The following GABRG3 variants were observed in gnomAD, a reference collection of about 807,000 sequenced individuals.
GABRG3 encodes gamma-aminobutyric acid type A receptor subunit gamma3.
GABRG3 carries 25 observed loss-of-function variants against 48.8 expected under a neutral mutation model. The ratio of observed to expected loss-of-function variants is 0.51; its 90% CI spans 0.37 to 0.72. The LOEUF (loss-of-function observed/expected upper bound fraction) is 0.72, where lower values mean the gene tolerates loss of function less well. GABRG3 is among the 30% of genes least tolerant of loss of function. The pLI is 0.00. For missense variants in GABRG3, 394 were observed against 577.9 expected, an observed-to-expected ratio of 0.68 and a Z score of 3.26; for synonymous variants, 227 against 217.6, an observed-to-expected ratio of 1.04 and a Z score of -0.38.
chr15:27,004,632 C>G (rs139821857), intron 2 of GABRG3, among the ~76,000 whole-genome samples: 10,683 of 152,228 alleles, frequency 0.07, 710 homozygotes, highest in East Asian at 0.36. Flanking sequence ...GCCGAGATCA[C>G]GCCACTGCAC....
chr15:27,521,731 T>G (rs3097506), intron 7 of GABRG3, among the ~76,000 whole-genome samples: 79,481 of 151,768 alleles, frequency 0.52, 21,094 homozygotes, highest in East Asian at 0.67. Flanking sequence ...ATTCACTAAC[T>G]AGACTTAAGA....
At chr15:27,448,724 AC>A (rs1168396114) in intron 5 of GABRG3, among the ~76,000 whole-genome samples, 1 of 152,232 alleles carries the variant, frequency 6.6e-6, no homozygotes, top group African/African-American at 2.4e-5. Flanking sequence ...ACAAAACTAC[AC>A]AAAAAGCAGA....
chr15:27,074,204 AG>A (rs2140737473), intron 3 of GABRG3, among the ~76,000 whole-genome samples: 1 of 152,072 alleles, frequency 6.6e-6, no homozygotes, highest in South Asian at 2.1e-4. Flanking sequence ...CCCACAACAC[AG>A]GGGAATTATG....
intron 2 of GABRG3, among the ~76,000 whole-genome samples, chr15:27,003,609 G>C (rs1267434194): frequency 2.2e-4 from 34 of 151,556 alleles, no homozygotes; most frequent in African/African-American, 4.9e-4. Context: ...TGAAAAGTCT[G>C]CCATGTATAC....
intron 3 of GABRG3, among the ~76,000 whole-genome samples, chr15:27,120,954 T>C (rs1464144055): frequency 6.6e-6 from 1 of 152,170 alleles, no homozygotes; most frequent in Non-Finnish European, 1.5e-5. Context: ...ATGCCAAACT[T>C]AGTTGACCTT....
At chr15:27,050,221 A>G (rs1010198124) in intron 3 of GABRG3, among the ~76,000 whole-genome samples, 1 of 152,250 alleles carries the variant, frequency 6.6e-6, no homozygotes, top group African/African-American at 2.4e-5. Context: ...GATTAGCCGT[A>G]GGGAAAAGAC....
intron 3 of GABRG3, among the ~76,000 whole-genome samples, chr15:27,248,465 G>GATTACTT (rs1160732626): frequency 3.3e-5 from 5 of 152,094 alleles, no homozygotes; most frequent in Non-Finnish European, 7.4e-5. Flanking sequence ...ACAATGATTG[G>GATTACTT]ATTACTTATT....
chr15:26,973,550 G>C (rs1894883086), intron 1 of GABRG3, among the ~76,000 whole-genome samples: 1 of 152,154 alleles, frequency 6.6e-6, no homozygotes, highest in Non-Finnish European at 1.5e-5. Flanking sequence ...TGCACTCTGA[G>C]TCCCTTCCTG....
chr15:26,991,405 C>A (rs1425008795), intron 2 of GABRG3, among the ~76,000 whole-genome samples: 1 of 151,468 alleles, frequency 6.6e-6, no homozygotes, highest in Non-Finnish European at 1.5e-5. Context: ...TATTTTGGGT[C>A]TTCTGTGATT....
chr15:27,237,730 A>G (rs1418098478), intron 3 of GABRG3, among the ~76,000 whole-genome samples: 2 of 152,192 alleles, frequency 1.3e-5, no homozygotes, highest in Non-Finnish European at 2.9e-5. Flanking sequence ...TGCACCCACA[A>G]CATAAAGCTT....
At chr15:27,501,336 A>T (rs1890632821) in intron 6 of GABRG3, among the ~76,000 whole-genome samples, 1 of 152,180 alleles carries the variant, frequency 6.6e-6, no homozygotes, top group African/African-American at 2.4e-5. Flanking sequence ...CATCAACCAC[A>T]GTGATGTAAC....
chr15:27,155,726 T>C (rs917945549), intron 3 of GABRG3, among the ~76,000 whole-genome samples: 2 of 152,094 alleles, frequency 1.3e-5, no homozygotes, highest in African/African-American at 4.8e-5. Context: ...TCCCTCTAGG[T>C]CCCTGCAGAT....
chr15:27,170,530 A>G (rs1281325683), intron 3 of GABRG3, among the ~76,000 whole-genome samples: 2 of 152,224 alleles, frequency 1.3e-5, no homozygotes, highest in African/African-American at 2.4e-5. Flanking sequence ...AAAGAAAACA[A>G]GAGAAGAAGA....
At chr15:27,233,351 A>G (rs1465919970) in intron 3 of GABRG3, among the ~76,000 whole-genome samples, 1 of 151,946 alleles carries the variant, frequency 6.6e-6, no homozygotes, top group African/African-American at 2.4e-5. Flanking sequence ...AGGATGCTCT[A>G]ACAGAATACC....
At chr15:27,328,750 G>A (rs1893703504) in intron 4 of GABRG3, 56 bp from the exon 5 acceptor site, 14 of 1,506,632 alleles carry the variant, frequency 9.3e-6, no homozygotes, top group South Asian at 6.8e-5. Context: ...CGTAACGGCC[G>A]CCGGCCTTGC....
At chr15:26,981,355 A>G (rs183248285) in intron 2 of GABRG3, among the ~76,000 whole-genome samples, 1 of 152,306 alleles carries the variant, frequency 6.6e-6, no homozygotes. Context: ...TTCCACTATG[A>G]TCAGAGAATA....
At chr15:27,022,493 C>T (rs916859902) in intron 2 of GABRG3, among the ~76,000 whole-genome samples, 2 of 152,154 alleles carry the variant, frequency 1.3e-5, no homozygotes, top group South Asian at 2.1e-4. Context: ...GGGGCTGAGG[C>T]GAGTTTAGCA....
At position 27,204,594 on chromosome 15, in the gene GABRG3, A is replaced by G. The variant is rs532263612; in HGVS notation, c.271-122215A>G. Among the ~76,000 whole-genome samples the G allele has an allele frequency of 1.9e-4, 29 of 152,258 alleles. 1 individual carries two copies. The South Asian group carries it at 6.0e-3, about 32-fold the overall frequency. ...TGAAAAAAATGTTATTGGTAGTTTG[A>G]TAGAAATGGCATTGAATCTGTAAAT... On this transcript the variant is annotated intron_variant, in intron 3 of 9. Transcript: ENST00000615808.
At chr15:27,514,134 C>G (rs547941267) in intron 6 of GABRG3, among the ~76,000 whole-genome samples, 1 of 152,064 alleles carries the variant, frequency 6.6e-6, no homozygotes, top group Admixed American at 6.5e-5. Context: ...GCACAAAGAC[C>G]GAAGAAGAGC....
Sources: allele counts gnomAD v4.1 joint callset (sites outside exome capture counted in the v4.1 genomes callset), GRCh38; gene constraint gnomAD v4.1.1; transcripts MANE v1.5; gene names NCBI Gene and HGNC (gene_info 2026-07-23, HGNC 2026-07-21).